The following AKAP13 variants were observed in gnomAD, a reference collection of about 807,000 sequenced individuals.
The protein encoded by AKAP13 is A-kinase anchoring protein 13.
A neutral mutation model predicts 264.5 loss-of-function variants in AKAP13; 80 were observed. The ratio of observed to expected loss-of-function variants is 0.30; its 90% CI spans 0.25 to 0.36. The LOEUF is 0.36. Ranked by LOEUF, AKAP13 falls within the 10% of genes least tolerant of loss-of-function variation. AKAP13 has a pLI of 1.00. For missense variants in AKAP13, 3,712 were observed against 3,435.2 expected (o/e 1.08, Z -2.01); for synonymous variants, 1,380 against 1,250.2 (o/e 1.10, Z -2.19).
chr15:85,501,955 A>G lies in AKAP13; in HGVS notation c.33+16202A>G, dbSNP rs187941998. 3.7e-4 allele frequency among the ~76,000 whole-genome samples: 57 copies of G among 152,340 alleles called. No individual in the cohort carries two copies. In the East Asian group the frequency reaches 8.7e-3, roughly 23 times the overall value. On this transcript the variant is annotated intron_variant, in intron 2 of 36. Transcript: ENST00000394518. ...GGAAGAAGGGGAACCATTTAGGGAC[A>G]GACACTAGACCTTTGTGGTAACTGG...
At chr15:85,646,019 A>AACTCTTTTCCAACTTTTTCCCCC in intron 10 of AKAP13, 65 bp downstream of exon 10, 3 of 1,567,508 alleles carry the variant, frequency 1.9e-6, no homozygotes, top group Non-Finnish European at 2.6e-6. Flanking sequence ...GGGCTTCCCA[A>AACTCTTTTCCAACTTTTTCCCCC]ACTCTTTTCC....
intron 14 of AKAP13, among the ~76,000 whole-genome samples, chr15:85,677,647 G>GTTTTT (rs71891857): frequency 7.3e-6 from 1 of 136,708 alleles, no homozygotes; most frequent in African/African-American, 2.6e-5. Flanking sequence ...TGTGTGTTGT[G>GTTTTT]TTTTTTTTTT....
intron 1 of AKAP13, among the ~76,000 whole-genome samples, chr15:85,470,449 C>T (rs1267570719): frequency 6.6e-6 from 1 of 152,202 alleles, no homozygotes; most frequent in Non-Finnish European, 1.5e-5. Flanking sequence ...ACTTTCAACT[C>T]AGACATACTG....
At chr15:85,646,301 C>G (rs780305866) in intron 10 of AKAP13, among the ~76,000 whole-genome samples, 2 of 152,132 alleles carry the variant, frequency 1.3e-5, no homozygotes, top group Non-Finnish European at 2.9e-5. Context: ...ATGGTGAAAC[C>G]CCATCTCTAC....
intron 1 of AKAP13, among the ~76,000 whole-genome samples, chr15:85,391,727 C>T (rs570742397): frequency 9.5e-4 from 144 of 152,132 alleles, no homozygotes; most frequent in African/African-American, 3.3e-3. Flanking sequence ...TCAAGCGATC[C>T]ACCCACCTTG....
chr15:85,643,757 A>T, intron 9 of AKAP13, among the ~76,000 whole-genome samples: 1 of 152,234 alleles, frequency 6.6e-6, no homozygotes. Flanking sequence ...CCCCTGGAAC[A>T]GTACAGAGGG....
chr15:85,574,160 G>C (rs2078927583), intron 5 of AKAP13, among the ~76,000 whole-genome samples: 1 of 152,226 alleles, frequency 6.6e-6, no homozygotes, highest in Non-Finnish European at 1.5e-5. Flanking sequence ...ATTTACATTT[G>C]TGCTGAATGT....
At chr15:85,672,502 T>G (rs1419047492) in intron 14 of AKAP13, among the ~76,000 whole-genome samples, 3 of 152,232 alleles carry the variant, frequency 2.0e-5, no homozygotes, top group Non-Finnish European at 2.9e-5. Flanking sequence ...TGCTCCAGGC[T>G]CAAGTGTTCA....
At chr15:85,630,256 CACACACACACAA>C (rs2081689293) in intron 8 of AKAP13, among the ~76,000 whole-genome samples, 2 of 151,094 alleles carry the variant, frequency 1.3e-5, no homozygotes, top group African/African-American at 4.9e-5. Context: ...CACACACACA[CACACACACACAA>C]ACACAATGAA....
At chr15:85,431,029 C>A (rs1287478109) in intron 1 of AKAP13, among the ~76,000 whole-genome samples, 1 of 152,106 alleles carries the variant, frequency 6.6e-6, no homozygotes. Context: ...GTAGGTTGTT[C>A]TGGTGATAAT....
intron 1 of AKAP13, among the ~76,000 whole-genome samples, chr15:85,407,722 C>T (rs141946461): frequency 1.8e-4 from 27 of 151,596 alleles, no homozygotes; most frequent in African/African-American, 5.6e-4. Flanking sequence ...GTGTGGTCAC[C>T]GAATTAGGTT....
Position 85,730,509 on chromosome 15 carries a change from G to A in AKAP13, c.7088-4G>A, listed in dbSNP as rs375306765. The A allele has an allele frequency of 5.6e-6, 9 of 1,613,008 alleles. No homozygotes were observed. The African/African-American group carries it at 6.7e-5, about 12-fold the overall frequency. On this transcript the variant is annotated splice_region_variant and splice_polypyrimidine_tract_variant and intron_variant, in intron 29 of 36. Transcript: ENST00000394518. ...AATCACAGATCATTTTCTCCTTCCT[G>A]CAGAACAACTTCACCAGAAGGACCA...
intron 2 of AKAP13, among the ~76,000 whole-genome samples, chr15:85,511,596 TC>T (rs1367403756): frequency 1.3e-5 from 2 of 152,150 alleles, no homozygotes; most frequent in Non-Finnish European, 2.9e-5. Context: ...TATCTTCCAG[TC>T]CCATCCAGTC....
chr15:85,653,715 A>G (rs2082972492), intron 10 of AKAP13, among the ~76,000 whole-genome samples: 1 of 152,204 alleles, frequency 6.6e-6, no homozygotes, highest in Non-Finnish European at 1.5e-5. Flanking sequence ...TGAGTAGACT[A>G]ATTTGGAAAA....
intron 8 of AKAP13, among the ~76,000 whole-genome samples, chr15:85,593,548 T>TTA (rs1555448575): frequency 6.6e-6 from 1 of 151,510 alleles, no homozygotes; most frequent in African/African-American, 2.4e-5. Context: ...TTTTTTTTTT[T>TTA]AAATCACACA....
intron 3 of AKAP13, among the ~76,000 whole-genome samples, chr15:85,529,929 TTTC>T (rs1327691558): frequency 1.6e-4 from 24 of 152,300 alleles, no homozygotes; most frequent in African/African-American, 5.8e-4. Context: ...TGATTCATAG[TTTC>T]TTCTTCAGAT....
intron 5 of AKAP13, among the ~76,000 whole-genome samples, chr15:85,573,576 T>TAA (rs879294735): frequency 1.2e-3 from 108 of 88,814 alleles, no homozygotes; most frequent in East Asian, 9.4e-3. Flanking sequence ...TAAATAAATA[T>TAA]GATATGATAT....
intron 6 of AKAP13, 67 bp downstream of exon 6, chr15:85,575,396 C>T (rs892891329): frequency 7.6e-6 from 11 of 1,444,866 alleles, no homozygotes; most frequent in African/African-American, 4.2e-5. Flanking sequence ...TGTGTGTGTC[C>T]CCGCCCTCCT....
intron 34 of AKAP13, chr15:85,740,673 T>A: frequency 6.2e-6 from 2 of 320,226 alleles, no homozygotes; most frequent in Non-Finnish European, 5.8e-6. Flanking sequence ...TTCTGCTCAC[T>A]TCCTTTCTTG....
Sources: allele counts gnomAD v4.1 joint callset (sites outside exome capture counted in the v4.1 genomes callset), GRCh38; gene constraint gnomAD v4.1.1; transcripts MANE v1.5; gene names NCBI Gene and HGNC (gene_info 2026-07-23, HGNC 2026-07-21).